KAZN: variants seen among roughly 807,000 people sequenced by gnomAD.
KAZN encodes kazrin, periplakin interacting protein.
A neutral mutation model predicts 87.4 loss-of-function variants in KAZN; 40 were observed. The ratio of observed to expected loss-of-function variants is 0.46; its 90% CI spans 0.36 to 0.60. The LOEUF (loss-of-function observed/expected upper bound fraction) is 0.60, where lower values mean the gene tolerates loss of function less well. KAZN is among the 20% of genes least tolerant of loss of function. The probability of loss-of-function intolerance (pLI) is 0.00; values close to 1 mark genes in which losing one functional copy is unlikely to be tolerated. For missense variants in KAZN, 898 were observed against 1,073.9 expected, an observed-to-expected ratio of 0.84 and a Z score of 2.29; for synonymous variants, 466 against 458.3, an observed-to-expected ratio of 1.02 and a Z score of -0.22.
At chr1:14,403,469 C>CA (rs1351315272) in intron 2 of KAZN, among the ~76,000 whole-genome samples, 1 of 151,722 alleles carries the variant, frequency 6.6e-6, no homozygotes, top group Non-Finnish European at 1.5e-5. Context: ...CTTTTGTGAA[C>CA]AAAATTGAAA....
At chr1:14,467,709 C>T (rs868785149) in intron 2 of KAZN, among the ~76,000 whole-genome samples, 1 of 146,212 alleles carries the variant, frequency 6.8e-6, no homozygotes, top group Admixed American at 6.9e-5. Flanking sequence ...GACTTTACAT[C>T]GCCCTCAGTT....
chr1:14,090,371 A>T lies in KAZN; in HGVS notation c.92-90064A>T, dbSNP rs76542582. Among the ~76,000 whole-genome samples, 1,304 of 151,218 alleles carry T rather than the reference A, an allele frequency of 8.6e-3. 23 individuals carry two copies. The highest frequency in any genetic ancestry group is 0.03 in the African/African-American group (1,217 of 41,156). ...TATTGCCATATCTTCAAGTTCACTA[A>T]TTTTTCTCTCTCTCTCTCTTTTTTT... On this transcript the variant is annotated intron_variant, in intron 1 of 16. Transcript: ENST00000636203.
intron 2 of KAZN, among the ~76,000 whole-genome samples, chr1:14,553,177 C>T (rs967828183): frequency 6.6e-6 from 1 of 152,120 alleles, no homozygotes; most frequent in African/African-American, 2.4e-5. Context: ...GAATTCGAGA[C>T]CAGCCTGGCC....
intron 2 of KAZN, among the ~76,000 whole-genome samples, chr1:14,340,700 G>C (rs1657616315): frequency 6.6e-6 from 1 of 152,128 alleles, no homozygotes; most frequent in South Asian, 2.1e-4. Flanking sequence ...TTCTATGGAA[G>C]TCCCGTGGAA....
rs1572015118 is a variant in KAZN, at chr1:14,598,699, T to A, written c.-299T>A. On this transcript the variant is annotated 5_prime_UTR_variant, in exon 1 of 15. Coordinates refer to ENST00000376030, the MANE Select transcript of KAZN (RefSeq NM_201628.3). The surrounding 1 kb of genome is among the most constrained non-coding windows in gnomAD (Gnocchi z 4.2). The stretch of plus-strand genomic sequence containing the variant: ...CGCGCGGTGTCCTTCTTGGAGCAGC[T>A]CTCGGCGCCCGCCCGCCGGGGTCTC... 3 of 1,312,854 alleles carry A rather than the reference T, an allele frequency of 2.3e-6. No individual in the cohort carries two copies. Among genetic ancestry groups the A allele is most frequent in the Admixed American group, 4.3e-5 (1 of 23,310 alleles). 81.3% of individuals were successfully genotyped at this position (1,312,854 alleles called of 1,614,324 possible).
intron 1 of KAZN, among the ~76,000 whole-genome samples, chr1:13,984,464 A>T (rs1263398603): frequency 6.6e-6 from 1 of 152,244 alleles, no homozygotes; most frequent in East Asian, 1.9e-4. Flanking sequence ...CAACTTGAGC[A>T]CAAATAAATT....
intron 2 of KAZN, among the ~76,000 whole-genome samples, chr1:14,342,772 T>G (rs964379717): frequency 6.6e-6 from 1 of 152,182 alleles, no homozygotes; most frequent in South Asian, 2.1e-4. Context: ...GTGGGGGCCA[T>G]CAGAGGGAAC....
In KAZN at chr1:15,077,787, G is replaced by A. The variant is rs1474942721; in HGVS notation, c.1222+12034G>A. ...GCAGCTGCAGGCCTCCCAGGGATGCGGACAGGGGCTCAGAATGAGGAATGG... is the reference window on the plus strand; with the variant it reads ...GCAGCTGCAGGCCTCCCAGGGATGCAGACAGGGGCTCAGAATGAGGAATGG... On this transcript the variant is annotated intron_variant, in intron 8 of 14. Transcript: ENST00000376030. The surrounding 1 kb of genome is among the most constrained non-coding windows in gnomAD (Gnocchi z 4.8). Among the ~76,000 whole-genome samples the A allele has an allele frequency of 4.6e-5, 7 of 152,194 alleles. No individual in the cohort carries two copies. The highest frequency in any genetic ancestry group is 6.5e-5 in the Admixed American group (1 of 15,282).
intron 1 of KAZN, among the ~76,000 whole-genome samples, chr1:14,019,049 G>A (rs4661465): frequency 0.49 from 74,913 of 151,978 alleles, 19,121 homozygotes; most frequent in Admixed American, 0.62. Flanking sequence ...AACACATGTG[G>A]CCTTTTAACT....
chr1:14,536,925 C>T (rs1462422295), intron 2 of KAZN, among the ~76,000 whole-genome samples: 4 of 152,034 alleles, frequency 2.6e-5, no homozygotes, highest in African/African-American at 7.2e-5. Context: ...TTTCTTTCTC[C>T]CTCTTTGGTT....
rs780407996 is a variant in KAZN at position 14,736,254 on chromosome 1, G to GGGGTGTGT, written c.226+137032_226+137033insGGTGTGTG. On this transcript the variant is annotated intron_variant, in intron 1 of 14. Coordinates refer to ENST00000376030, the MANE Select transcript of KAZN (RefSeq NM_201628.3). ...TGTTGGGGCTCATGTGGGACTCAAGGGTGTGTGTGTGTGTGTGTGTGTGTG... is the reference window on the plus strand; with the variant it reads ...TGTTGGGGCTCATGTGGGACTCAAGGGGGTGTGTGTGTGTGTGTGTGTGTGTGTGTGTG... 3.3e-3 allele frequency among the ~76,000 whole-genome samples: 379 copies of GGGGTGTGT among 115,308 alleles called. 1 individual carries two copies. The highest frequency in any genetic ancestry group is 4.8e-3 in the Non-Finnish European group (266 of 55,950). The allele number at this position is 115,308 out of a possible 152,430, so 75.6% of individuals were successfully genotyped here. A position where few individuals can be genotyped will look rare whatever the true frequency, so the allele number is the denominator to read the frequency against.
chr1:14,486,752 G>A (rs74979889), intron 2 of KAZN, among the ~76,000 whole-genome samples: 3,850 of 152,272 alleles, frequency 0.025, 174 homozygotes, highest in African/African-American at 0.086. Flanking sequence ...GGAGAATTCC[G>A]TTTCTTGTCC....
Position 14,579,918 on chromosome 1 carries a change from G to A in KAZN, c.250-19065G>A, listed in dbSNP as rs72863626. On this transcript the variant is annotated intron_variant, in intron 2 of 16. Transcript: ENST00000636203. The stretch of plus-strand genomic sequence containing the variant: ...GAGGCTGCCCGCTGCCTTTCATACC[G>A]GGTTCATTCACTTTATTATTTTCTA... Among the ~76,000 whole-genome samples the A allele has an allele frequency of 7.3e-3, 1,116 of 152,048 alleles. 17 individuals are homozygous for A. The highest frequency in any genetic ancestry group is 0.026 in the African/African-American group (1,070 of 41,460).
intron 2 of KAZN, among the ~76,000 whole-genome samples, chr1:14,508,383 G>C (rs1670719868): frequency 6.6e-6 from 1 of 152,068 alleles, no homozygotes. Context: ...CTTCTCATTA[G>C]GCTCGCAGAT....
At position 14,066,400 on chromosome 1, in the gene KAZN, TG is replaced by T. The variant is rs1353892709; in HGVS notation, c.92-114032del. 5.9e-5 allele frequency among the ~76,000 whole-genome samples: 9 copies of T among 152,304 alleles called. 2 individuals carry two copies. Among genetic ancestry groups the T allele is most frequent in the African/African-American group, 2.2e-4 (9 of 41,570 alleles). Reference sequence around the variant, plus strand: ...GTTCTTTGAGAAATCTCCACACCATTGGGAAAGGAGAATTCAATCTCCTTGA... The same window carrying T: ...GTTCTTTGAGAAATCTCCACACCATTGGAAAGGAGAATTCAATCTCCTTGA... On this transcript the variant is annotated intron_variant, in intron 1 of 16. Coordinates refer to the KAZN transcript ENST00000636203.
chr1:14,541,869 T>C (rs1268866430), intron 2 of KAZN, among the ~76,000 whole-genome samples: 2 of 152,228 alleles, frequency 1.3e-5, no homozygotes, highest in African/African-American at 2.4e-5. Flanking sequence ...CTATGTCACA[T>C]TGAGGTGTTT....
At chr1:15,104,347 A>T (rs1424614413) in intron 13 of KAZN, among the ~76,000 whole-genome samples, 158 bp downstream of exon 13, 1 of 152,210 alleles carries the variant, frequency 6.6e-6, no homozygotes, top group Admixed American at 6.5e-5. Flanking sequence ...TCAGGAAACT[A>T]AGGCTCAGAG....
At chr1:14,268,471 T>TAAAAA (rs70997129) in intron 2 of KAZN, among the ~76,000 whole-genome samples, 33 of 140,658 alleles carry the variant, frequency 2.3e-4, no homozygotes, top group South Asian at 1.1e-3. Context: ...GACACTGTGT[T>TAAAAA]AAAAAAAAAA....
intron 8 of KAZN, among the ~76,000 whole-genome samples, chr1:15,072,130 G>A (rs1639531717): frequency 6.6e-6 from 1 of 152,144 alleles, no homozygotes; most frequent in African/African-American, 2.4e-5. Flanking sequence ...GAACCTCAGT[G>A]TACTCATCTG....
Sources: gnomAD v4.1 joint callset for allele counts (sites outside exome capture counted in the v4.1 genomes callset) on GRCh38, gnomAD v4.1.1 for gene constraint, Gnocchi (gnomAD v3.1) non-coding constraint, MANE v1.5 for transcripts, NCBI Gene and HGNC (gene_info 2026-07-23, HGNC 2026-07-21) for gene names.